Variants in MYO5A observed in about 807,000 individuals in gnomAD.
The protein encoded by MYO5A is unconventional myosin-Va.
MYO5A carries 98 observed loss-of-function variants against 249.7 expected under a neutral mutation model. That is an observed-to-expected ratio of 0.39 (90% CI 0.33 to 0.46). The LOEUF (loss-of-function observed/expected upper bound fraction) is 0.46, where lower values mean the gene tolerates loss of function less well. MYO5A is among the 20% of genes least tolerant of loss of function. The pLI is 0.98. For synonymous variants in MYO5A, 778 were observed against 810.6 expected (o/e 0.96, Z 0.68); for missense variants, 1,696 against 2,308.8 (o/e 0.73, Z 5.44).
intron 27 of MYO5A, among the ~76,000 whole-genome samples, chr15:52,352,556 T>G (rs1446563492): frequency 6.6e-6 from 1 of 152,094 alleles, no homozygotes; most frequent in East Asian, 1.9e-4. Flanking sequence ...CCGAGACAGT[T>G]GGATCACGAG....
Position 52,367,178 on chromosome 15 carries a change from T to A in MYO5A, c.3067-54A>T, listed in dbSNP as rs1321431082. ...GTTGCAATGGACAGAGGAAGCCTGA[T>A]GACCAAGGATAAAGACCATAAGCAG... On this transcript the variant is annotated intron_variant, in intron 22 of 41. Coordinates refer to ENST00000399233, the MANE Select transcript of MYO5A (RefSeq NM_001382347.1). 15 of 1,462,560 alleles carry A rather than the reference T, an allele frequency of 1.0e-5. No homozygotes were observed. Among genetic ancestry groups the A allele is most frequent in the Non-Finnish European group, 1.3e-5 (14 of 1,048,508 alleles). 90.6% of individuals were successfully genotyped at this position (1,462,560 alleles called of 1,614,324 possible).
intron 1 of MYO5A, among the ~76,000 whole-genome samples, chr15:52,507,362 G>C (rs1306373114): frequency 1.3e-5 from 2 of 152,184 alleles, no homozygotes; most frequent in African/African-American, 4.8e-5. Context: ...CATTAAAAAG[G>C]GACTGGAATG....
At chr15:52,495,790 TCC>T (rs2077026165) in intron 1 of MYO5A, among the ~76,000 whole-genome samples, 1 of 152,142 alleles carries the variant, frequency 6.6e-6, no homozygotes, top group Admixed American at 6.6e-5. Context: ...TGAGAGAGAA[TCC>T]CTTGTTTTCA....
At chr15:52,379,978 T>G in intron 16 of MYO5A, 70 bp from the exon 17 acceptor site, 1 of 1,503,966 alleles carries the variant, frequency 6.6e-7, no homozygotes, top group South Asian at 1.1e-5. Flanking sequence ...CTCTCCTCAG[T>G]CAGGGTGTAA....
At chr15:52,490,264 G>C (rs1041410658) in intron 1 of MYO5A, among the ~76,000 whole-genome samples, 1 of 152,066 alleles carries the variant, frequency 6.6e-6, no homozygotes, top group Admixed American at 6.6e-5. Context: ...TGAAAGCAAG[G>C]TCTCAAAGAG....
chr15:52,378,959 C>T (rs2041588713), intron 18 of MYO5A, among the ~76,000 whole-genome samples: 1 of 152,216 alleles, frequency 6.6e-6, no homozygotes, highest in South Asian at 2.1e-4. Flanking sequence ...GTCTGCAAGA[C>T]TCTCTGTAAC....
chr15:52,437,987 A>G, intron 1 of MYO5A: 1 of 968,982 alleles, frequency 1.0e-6, no homozygotes, highest in South Asian at 4.8e-5. Context: ...CTCTGAGGAA[A>G]GCATCCAAGG....
At chr15:52,425,687 T>C (rs772226530) in intron 4 of MYO5A, 143 bp downstream of exon 4, 92 of 912,340 alleles carry the variant, frequency 1.0e-4, no homozygotes, top group Non-Finnish European at 1.3e-4. Flanking sequence ...ATAATCCAAG[T>C]CACCTGAGAC....
intron 1 of MYO5A, among the ~76,000 whole-genome samples, chr15:52,523,289 T>C (rs2077661217): frequency 1.3e-5 from 2 of 152,236 alleles, no homozygotes; most frequent in Admixed American, 1.3e-4. Flanking sequence ...CTGGTCTCCC[T>C]GGTTCCCAGT....
chr15:52,433,413 C>CTTTTT (rs151276395), intron 1 of MYO5A, 128 bp from the exon 2 acceptor site: 282 of 275,622 alleles, frequency 1.0e-3, no homozygotes, highest in Middle Eastern at 4.3e-3. Flanking sequence ...ATGAAATTCA[C>CTTTTT]TTTTTTTTTT....
chr15:52,373,608 G>A (rs1367544137), intron 20 of MYO5A, among the ~76,000 whole-genome samples: 1 of 152,150 alleles, frequency 6.6e-6, no homozygotes, highest in Non-Finnish European at 1.5e-5. Context: ...GCTTACATGT[G>A]AGCAAGCCTC....
chr15:52,323,526 C>A, intron 36 of MYO5A, 82 bp from the exon 37 acceptor site: 1 of 948,954 alleles, frequency 1.1e-6, no homozygotes, highest in East Asian at 2.5e-5. Context: ...ACCAAAAGAC[C>A]CATTTCTTTC....
At chr15:52,363,874 A>C (rs901461513) in intron 24 of MYO5A, among the ~76,000 whole-genome samples, 1 of 152,224 alleles carries the variant, frequency 6.6e-6, no homozygotes, top group African/African-American at 2.4e-5. Flanking sequence ...TTTCATAGGA[A>C]TATATCTTCA....
intron 1 of MYO5A, among the ~76,000 whole-genome samples, chr15:52,479,292 A>G (rs1408646389): frequency 6.6e-6 from 1 of 152,108 alleles, no homozygotes; most frequent in East Asian, 1.9e-4. Context: ...TTAACTTTTT[A>G]TAATAGATTT....
At chr15:52,505,215 C>T (rs1190694714) in intron 1 of MYO5A, 12 of 771,828 alleles carry the variant, frequency 1.6e-5, no homozygotes, top group East Asian at 2.4e-5. Flanking sequence ...TGAAAAGCCC[C>T]GCCGGCCTCC....
intron 22 of MYO5A, among the ~76,000 whole-genome samples, chr15:52,367,620 A>G (rs2040875256): frequency 6.6e-6 from 1 of 152,122 alleles, no homozygotes; most frequent in African/African-American, 2.4e-5. Context: ...GAGATTAAGG[A>G]GGTTAAGAAG....
chr15:52,396,536 T>C (rs909398266), intron 10 of MYO5A, 139 bp from the exon 11 acceptor site: 48 of 619,822 alleles, frequency 7.7e-5, no homozygotes, highest in Admixed American at 1.5e-4. Context: ...TCAGTGAAAA[T>C]AAAGATTTCT....
intron 20 of MYO5A, among the ~76,000 whole-genome samples, chr15:52,373,690 C>T (rs970492660): frequency 2.0e-5 from 3 of 152,136 alleles, no homozygotes; most frequent in Non-Finnish European, 2.9e-5. Flanking sequence ...ACTGCTAAAC[C>T]AGTGACCTCA....
chr15:52,455,605 C>A (rs147879470), intron 1 of MYO5A, among the ~76,000 whole-genome samples: 13 of 152,112 alleles, frequency 8.5e-5, no homozygotes, highest in African/African-American at 2.9e-4. Context: ...TTAAAAAGAT[C>A]ATTCACCATA....
Sources: gnomAD v4.1 joint callset for allele counts (sites outside exome capture counted in the v4.1 genomes callset) on GRCh38, gnomAD v4.1.1 for gene constraint, MANE v1.5 for transcripts, NCBI Gene and HGNC (gene_info 2026-07-23, HGNC 2026-07-21) for gene names.